The following PDE11A variants were observed in gnomAD, a reference collection of about 807,000 sequenced individuals.
PDE11A encodes dual 3',5'-cyclic-AMP and -GMP phosphodiesterase 11A.
Under a neutral mutation model 100.5 loss-of-function variants are expected in PDE11A, and 100 were observed. The observed-to-expected ratio is 1.00, with a 90% CI of 0.85 to 1.18. The LOEUF (loss-of-function observed/expected upper bound fraction) is 1.18. Among genes scored for constraint, PDE11A ranks in the 50% most tolerant of loss-of-function variants. The pLI, the probability that PDE11A is intolerant of heterozygous loss-of-function variation, is 0.00. For synonymous variants in PDE11A, 381 were observed against 420.8 expected, an observed-to-expected ratio of 0.91 and a Z score of 1.16; for missense variants, 1,141 against 1,152.6, an observed-to-expected ratio of 0.99 and a Z score of 0.15.
At chr2:177,991,520 A>G (rs1174856689) in intron 2 of PDE11A, among the ~76,000 whole-genome samples, 1 of 146,120 alleles carries the variant, frequency 6.8e-6, no homozygotes, top group Non-Finnish European at 1.5e-5. Context: ...TTGTAATCCC[A>G]CCTACTCGGG....
chr2:177,840,468 A>G, intron 5 of PDE11A, 85 bp from the exon 6 acceptor site: 2 of 1,167,366 alleles, frequency 1.7e-6, no homozygotes, highest in Non-Finnish European at 2.6e-6. Flanking sequence ...CACTAATATC[A>G]GGATAATCTG....
At chr2:177,698,867 A>T (rs568361028) in intron 14 of PDE11A, among the ~76,000 whole-genome samples, 4 of 152,208 alleles carry the variant, frequency 2.6e-5, no homozygotes, top group Non-Finnish European at 4.4e-5. Flanking sequence ...GATCAATCAC[A>T]GGCAGGTGTT....
At chr2:177,693,547 C>T (rs2081070466) in intron 15 of PDE11A, among the ~76,000 whole-genome samples, 1 of 152,200 alleles carries the variant, frequency 6.6e-6, no homozygotes, top group Non-Finnish European at 1.5e-5. Context: ...AACTAAACTA[C>T]CTGAATGCAA....
intron 2 of PDE11A, among the ~76,000 whole-genome samples, chr2:178,102,070 C>A (rs2087565771): frequency 1.3e-5 from 2 of 151,948 alleles, no homozygotes; most frequent in African/African-American, 4.8e-5. Context: ...CTCAAGGCAT[C>A]CTCCTGCATC....
Position 177,728,141 on chromosome 2 carries a change from G to T in PDE11A, c.1820C>A (p.Ala607Asp), listed in dbSNP as rs763216873. The stretch of plus-strand genomic sequence containing the variant: ...GTCATCAAAATGAATGTCATCGATG[G>T]CAAGTTCTGACACCAGAGGGATGTT... ...AANIPLVSEL[A>D]IDDIHFDDFS... Residue 607 changes from alanine (A) to aspartate (D), a missense_variant, in exon 11 of 20, where the codon GCC becomes GAC. Ala to Asp is a moderately radical substitution (Grantham distance 126, BLOSUM62 -2). Transcript: ENST00000286063. 5 of 1,612,724 alleles carry T rather than the reference G, an allele frequency of 3.1e-6. No homozygotes were observed. The highest frequency in any genetic ancestry group is 3.4e-6 in the Non-Finnish European group (4 of 1,179,072).
chr2:177,957,982 C>A lies in PDE11A; in HGVS notation c.1072-52795G>T, dbSNP rs569177994. The stretch of plus-strand genomic sequence containing the variant: ...GTGGCGCAATCTTGGCTCACTGCAA[C>A]CTCCCCTCCCAGGTTCAAGCTATTC... On this transcript the variant is annotated intron_variant, in intron 2 of 19. Coordinates refer to ENST00000286063, the MANE Select transcript of PDE11A (RefSeq NM_016953.4). 1.2e-3 allele frequency among the ~76,000 whole-genome samples: 167 copies of A among 142,248 alleles called. No individual in the cohort carries two copies. The Middle Eastern group carries it at 0.013, about 11-fold the overall frequency. The allele number at this position is 142,248 out of a possible 152,430, so 93.3% of individuals were successfully genotyped here.
Position 177,646,519 on chromosome 2 carries a change from G to A in PDE11A, c.2647-16957C>T, listed in dbSNP as rs142335691. ...GGAATTGGAAAAACTAAGTTAAAGAGCCAAAGTTTACATGGTTAAGTACAC... is the reference window on the plus strand; with the variant it reads ...GGAATTGGAAAAACTAAGTTAAAGAACCAAAGTTTACATGGTTAAGTACAC... On this transcript the variant is annotated intron_variant, in intron 19 of 19. Coordinates refer to ENST00000286063, the MANE Select transcript of PDE11A (RefSeq NM_016953.4). 8.9e-4 allele frequency among the ~76,000 whole-genome samples: 136 copies of A among 152,340 alleles called. 1 individual carries two copies. Among genetic ancestry groups the A allele is most frequent in the Admixed American group, 3.5e-3 (54 of 15,308 alleles).
intron 1 of PDE11A, among the ~76,000 whole-genome samples, chr2:178,047,371 G>A (rs898481674): frequency 1.3e-5 from 2 of 151,616 alleles, no homozygotes; most frequent in African/African-American, 4.9e-5. Flanking sequence ...GCTAAGGCAG[G>A]AGAATAGCTT....
intron 9 of PDE11A, among the ~76,000 whole-genome samples, chr2:177,775,427 C>A (rs1267505041): frequency 6.6e-6 from 1 of 152,094 alleles, no homozygotes; most frequent in East Asian, 1.9e-4. Context: ...CAAATCATGC[C>A]ATCTCCCAGC....
chr2:178,002,792 G>C (rs1574335144), intron 2 of PDE11A, among the ~76,000 whole-genome samples: 1 of 152,078 alleles, frequency 6.6e-6, no homozygotes, highest in Admixed American at 6.6e-5. Context: ...GAAATCAAGG[G>C]AATGCAATTT....
chr2:177,955,090 T>C (rs1272542597), intron 2 of PDE11A, among the ~76,000 whole-genome samples: 1 of 152,210 alleles, frequency 6.6e-6, no homozygotes, highest in Non-Finnish European at 1.5e-5. Flanking sequence ...CTCTAGTCAA[T>C]TTGATTCTTT....
chr2:177,826,748 C>T (rs1474521919), intron 6 of PDE11A, among the ~76,000 whole-genome samples: 1 of 152,186 alleles, frequency 6.6e-6, no homozygotes, highest in African/African-American at 2.4e-5. Flanking sequence ...TTATTTAAGT[C>T]TTAGTAATCC....
chr2:177,930,166 C>T (rs1449375437), intron 2 of PDE11A, among the ~76,000 whole-genome samples: 1 of 152,156 alleles, frequency 6.6e-6, no homozygotes, highest in Admixed American at 6.5e-5. Context: ...ATTTGTGCTG[C>T]TATTCATAAA....
At chr2:178,029,626 G>T (rs894548729) in intron 1 of PDE11A, among the ~76,000 whole-genome samples, 5 of 151,800 alleles carry the variant, frequency 3.3e-5, no homozygotes, top group African/African-American at 4.8e-5. Context: ...ATAAATTCAA[G>T]AAAATGGAAA....
At chr2:177,971,307 C>T (rs186602724) in intron 2 of PDE11A, among the ~76,000 whole-genome samples, 4 of 152,266 alleles carry the variant, frequency 2.6e-5, no homozygotes, top group East Asian at 3.9e-4. Context: ...TTTTCTCCCA[C>T]ACAAACTGCC....
intron 16 of PDE11A, among the ~76,000 whole-genome samples, chr2:177,680,568 A>C (rs1000975539): frequency 6.6e-6 from 1 of 152,216 alleles, no homozygotes. Flanking sequence ...AGAAGAAATC[A>C]TGGCTTGCCA....
At chr2:177,906,859 T>G (rs562782922) in intron 2 of PDE11A, among the ~76,000 whole-genome samples, 6 of 152,366 alleles carry the variant, frequency 3.9e-5, no homozygotes, top group Non-Finnish European at 7.3e-5. Flanking sequence ...GCAAGCACTT[T>G]CCTTGTAGTT....
At chr2:177,832,496 T>C (rs972856175) in intron 6 of PDE11A, among the ~76,000 whole-genome samples, 1 of 152,160 alleles carries the variant, frequency 6.6e-6, no homozygotes, top group African/African-American at 2.4e-5. Flanking sequence ...CTCCTCAGCT[T>C]CCAGCCTATT....
At chr2:178,098,482 T>C (rs1200889411) in intron 2 of PDE11A, among the ~76,000 whole-genome samples, 3 of 152,140 alleles carry the variant, frequency 2.0e-5, no homozygotes, top group Non-Finnish European at 4.4e-5. Flanking sequence ...TTGGAGACTA[T>C]GAAAAATGGG....
Sources: gnomAD v4.1 joint callset for allele counts (sites outside exome capture counted in the v4.1 genomes callset) on GRCh38, gnomAD v4.1.1 for gene constraint, MANE v1.5 for transcripts, NCBI Gene and HGNC (gene_info 2026-07-23, HGNC 2026-07-21) for gene names.